The following MDN1 variants were observed in gnomAD, a reference collection of about 807,000 sequenced individuals.
MDN1 encodes midasin.
In MDN1, 266 loss-of-function variants were observed where a neutral mutation model predicts 669.2. The ratio of observed to expected loss-of-function variants is 0.40; its 90% CI spans 0.36 to 0.44. The LOEUF (loss-of-function observed/expected upper bound fraction) is 0.44, where lower values mean the gene tolerates loss of function less well. Ranked by LOEUF, MDN1 falls within the 20% of genes least tolerant of loss-of-function variation. The pLI is 1.00. For synonymous variants in MDN1, 2,385 were observed against 2,457.1 expected (o/e 0.97, Z 0.87); for missense variants, 5,940 against 6,754.0 (o/e 0.88, Z 4.22).
At chr6:89,652,427 G>A in intron 94 of MDN1, 146 bp from the exon 95 acceptor site, 1 of 655,198 alleles carries the variant, frequency 1.5e-6, no homozygotes, top group Non-Finnish European at 2.7e-6. Flanking sequence ...CAAATACAGT[G>A]GCACAATGAG....
chr6:89,790,794 G>A (rs1819227102), intron 5 of MDN1, among the ~76,000 whole-genome samples: 1 of 152,242 alleles, frequency 6.6e-6, no homozygotes, highest in South Asian at 2.1e-4. Flanking sequence ...GCCAAGGCAG[G>A]TGGATCACCT....
intron 8 of MDN1, among the ~76,000 whole-genome samples, chr6:89,786,871 G>A (rs972829113): frequency 2.7e-5 from 4 of 145,622 alleles, no homozygotes; most frequent in Non-Finnish European, 4.5e-5. Flanking sequence ...GTTGCAGTGA[G>A]CCAAGATCAC....
intron 2 of MDN1, among the ~76,000 whole-genome samples, chr6:89,795,471 A>C (rs1819534639): frequency 6.6e-6 from 1 of 151,706 alleles, no homozygotes; most frequent in Admixed American, 6.6e-5. Flanking sequence ...GGTATGGTGG[A>C]GCCTGAAGCC....
At position 89,701,541 on chromosome 6, in the gene MDN1, A is replaced by T; in HGVS notation, c.8427+17T>A. The T allele has an allele frequency of 1.2e-6, 2 of 1,610,272 alleles. No individual in the cohort carries two copies. The highest frequency in any genetic ancestry group is 1.7e-6 in the Non-Finnish European group (2 of 1,179,086). The stretch of plus-strand genomic sequence containing the variant: ...GTAGTCACATTTCTTTTATTTACTA[A>T]ATGCTTCCAGGTGTACCTTAAAAGG... On this transcript the variant is annotated intron_variant, in intron 55 of 101. Transcript: ENST00000369393.
Position 89,790,143 on chromosome 6 carries a change from A to G in MDN1, c.1098+16T>C. The G allele has an allele frequency of 6.2e-7, 1 of 1,613,674 alleles. No homozygotes were observed. ...CAAGCATGACAAGCCACCAAAACTT[A>G]ACATTTCCTTATTACCTTACTGTCA... On this transcript the variant is annotated intron_variant, in intron 6 of 101. Coordinates refer to ENST00000369393, the MANE Select transcript of MDN1 (RefSeq NM_014611.3).
chr6:89,656,574 T>A, intron 91 of MDN1, 126 bp downstream of exon 91: 1 of 769,664 alleles, frequency 1.3e-6, no homozygotes, highest in Admixed American at 2.4e-5. Context: ...TGCTATCATA[T>A]CTGATGCAAC....
chr6:89,742,247 T>A (rs933454944), intron 31 of MDN1, among the ~76,000 whole-genome samples: 2 of 152,122 alleles, frequency 1.3e-5, no homozygotes, highest in East Asian at 3.9e-4. Context: ...ACCCCATCTC[T>A]ACTAAAAATG....
rs1346366873 is a variant in MDN1, at chr6:89,675,468, G to A, written c.12757C>T (p.Leu4253Phe). The A allele has an allele frequency of 1.2e-6, 2 of 1,612,430 alleles. No individual in the cohort carries two copies. The highest frequency in any genetic ancestry group is 1.7e-5 in the Admixed American group (1 of 60,004). ...LTTLSEQWII[L>F]RNLLSCVQEI... ...GCCCAACTCATCAGCTGATACCTGA[G>A]GATGATCCACTGCTCACTGAGCGTG... The change falls in exon 78 of 102, where the codon CTC becomes TTC. Residue 4253 changes from leucine (L) to phenylalanine (F), a missense_variant. Transcript: ENST00000369393.
chr6:89,669,940 T>C (rs920193684), intron 83 of MDN1, among the ~76,000 whole-genome samples: 31 of 151,508 alleles, frequency 2.0e-4, no homozygotes, highest in African/African-American at 7.5e-4. Flanking sequence ...CGCAGTGGCT[T>C]ACACATGTAA....
intron 55 of MDN1, 104 bp downstream of exon 55, chr6:89,701,454 T>C: frequency 1.4e-6 from 2 of 1,428,532 alleles, no homozygotes; most frequent in Non-Finnish European, 1.9e-6. Context: ...AGTTATGCTT[T>C]CAAGACAAGG....
rs758415581 is a variant in MDN1 at position 89,745,461 on chromosome 6, C to T, written c.4039+31G>A. The T allele has an allele frequency of 2.7e-5, 43 of 1,613,718 alleles. No homozygotes were observed. In the Admixed American group the frequency reaches 7.0e-4, roughly 26 times the overall value. ...AGATTCTAATGAGTACAACTCAAAT[C>T]ATATTCCTCTAGGGATTTTGGCCTA... On this transcript the variant is annotated intron_variant, in intron 28 of 101. Coordinates refer to ENST00000369393, the MANE Select transcript of MDN1 (RefSeq NM_014611.3).
chr6:89,711,014 CA>C (rs1427186412), intron 49 of MDN1, among the ~76,000 whole-genome samples: 1 of 152,128 alleles, frequency 6.6e-6, no homozygotes, highest in African/African-American at 2.4e-5. Context: ...TAGTGGCTAT[CA>C]TATAGGACAA....
intron 91 of MDN1, 113 bp from the exon 92 acceptor site, chr6:89,656,081 C>T (rs1809265293): frequency 2.2e-6 from 2 of 909,028 alleles, no homozygotes; most frequent in Admixed American, 2.8e-5. Context: ...TGTAGCCATA[C>T]AAGAATGGAA....
intron 44 of MDN1, 22 bp downstream of exon 44, chr6:89,716,628 T>C (rs754594373): frequency 3.8e-6 from 6 of 1,585,472 alleles, no homozygotes; most frequent in Non-Finnish European, 5.1e-6. Context: ...GTTGGACCAC[T>C]GATTAGGCAT....
intron 31 of MDN1, among the ~76,000 whole-genome samples, chr6:89,742,563 T>C (rs754561421): frequency 1.2e-4 from 18 of 152,210 alleles, no homozygotes; most frequent in Non-Finnish European, 2.4e-4. Context: ...GCATATAGCT[T>C]GCAAGAAGAA....
In MDN1 at chr6:89,642,855, A is replaced by ACTT. The variant is rs1247663793; in HGVS notation, c.*1147_*1149dup. 1.3e-5 allele frequency: 2 copies of ACTT among 152,262 alleles called. No individual in the cohort carries two copies. Among genetic ancestry groups the ACTT allele is most frequent in the African/African-American group, 4.8e-5 (2 of 41,462 alleles). The allele number at this position is 152,262 out of a possible 1,614,324, so 9.4% of individuals were successfully genotyped here. ...GCTTTTTAGAATAAAAAATGATATA[A>ACTT]CTTCAGGTACATGCTTTGGGACACT... On this transcript the variant is annotated 3_prime_UTR_variant, in exon 102 of 102. Transcript: ENST00000369393.
intron 15 of MDN1, among the ~76,000 whole-genome samples, chr6:89,768,712 G>A (rs1817926182): frequency 6.6e-6 from 1 of 151,984 alleles, no homozygotes; most frequent in Non-Finnish European, 1.5e-5. Flanking sequence ...ACTCCAGGCT[G>A]GGCAACAGAG....
At chr6:89,796,950 C>G (rs1819640188) in intron 2 of MDN1, among the ~76,000 whole-genome samples, 1 of 152,036 alleles carries the variant, frequency 6.6e-6, no homozygotes, top group Non-Finnish European at 1.5e-5. Flanking sequence ...AGCCTGTAAT[C>G]CCAGCTACTC....
At chr6:89,747,865 TG>T (rs1816739242) in intron 26 of MDN1, among the ~76,000 whole-genome samples, 3 of 119,598 alleles carry the variant, frequency 2.5e-5, no homozygotes, top group African/African-American at 6.7e-5. Context: ...CACTCCAGCC[TG>T]GGCGACAAAG....
Sources: allele counts gnomAD v4.1 joint callset (sites outside exome capture counted in the v4.1 genomes callset), GRCh38; gene constraint gnomAD v4.1.1; transcripts MANE v1.5; gene names NCBI Gene and HGNC (gene_info 2026-07-23, HGNC 2026-07-21).